Variants in ST8SIA1 observed in about 807,000 individuals in gnomAD.
ST8SIA1 encodes ST8 alpha-N-acetyl-neuraminide alpha-2,8-sialyltransferase 1.
In ST8SIA1, 16 loss-of-function variants were observed where a neutral mutation model predicts 35.9. The observed-to-expected ratio is 0.45, with a 90% CI of 0.30 to 0.68. ST8SIA1 has a LOEUF of 0.68. Ranked by LOEUF, ST8SIA1 falls within the 30% of genes least tolerant of loss-of-function variation. The pLI is 0.09. For synonymous variants in ST8SIA1, 170 were observed against 169.6 expected, an observed-to-expected ratio of 1.00 and a Z score of -0.02; for missense variants, 383 against 453.6, an observed-to-expected ratio of 0.84 and a Z score of 1.41.
At chr12:22,321,059 AGAGTCTGC>A (rs1866594210) in intron 1 of ST8SIA1, among the ~76,000 whole-genome samples, 1 of 152,082 alleles carries the variant, frequency 6.6e-6, no homozygotes, top group Non-Finnish European at 1.5e-5. Flanking sequence ...AAGAAAAGGA[AGAGTCTGC>A]AGAATCAACC....
At chr12:22,290,632 G>T (rs956635908) in intron 1 of ST8SIA1, among the ~76,000 whole-genome samples, 1 of 152,168 alleles carries the variant, frequency 6.6e-6, no homozygotes, top group Non-Finnish European at 1.5e-5. Flanking sequence ...GAAAAAGGAG[G>T]ACATTAAGTC....
chr12:22,311,632 G>A (rs567028709), intron 1 of ST8SIA1, among the ~76,000 whole-genome samples: 3 of 152,070 alleles, frequency 2.0e-5, no homozygotes, highest in Admixed American at 1.3e-4. Context: ...TGAAATGGTG[G>A]TATTTTATAA....
chr12:22,308,603 AAAT>A lies in ST8SIA1; in HGVS notation c.237-21313_237-21311del, dbSNP rs1198949456. Among the ~76,000 whole-genome samples the A allele has an allele frequency of 2.6e-5, 4 of 152,178 alleles. No homozygotes were observed. The East Asian group carries it at 7.7e-4, about 29-fold the overall frequency. On this transcript the variant is annotated intron_variant, in intron 1 of 4. Coordinates refer to ENST00000396037, the MANE Select transcript of ST8SIA1 (RefSeq NM_003034.4). ...TGATTTTGACAAACCAAATATCTCA[AAAT>A]AATTACCGCCTCTATTTCTTCACCA...
chr12:22,234,903 G>A (rs1054957546), intron 4 of ST8SIA1, among the ~76,000 whole-genome samples: 3 of 152,132 alleles, frequency 2.0e-5, no homozygotes, highest in Non-Finnish European at 2.9e-5. Context: ...TCCTTTTTCT[G>A]CCTTTCCCTT....
intron 4 of ST8SIA1, among the ~76,000 whole-genome samples, chr12:22,227,392 G>A (rs1160276618): frequency 2.6e-5 from 4 of 151,792 alleles, no homozygotes; most frequent in East Asian, 2.0e-4. Context: ...TGGCCAACTC[G>A]GTGAAACCCC....
At chr12:22,220,410 A>C (rs1486486897) in intron 4 of ST8SIA1, among the ~76,000 whole-genome samples, 2 of 152,202 alleles carry the variant, frequency 1.3e-5, no homozygotes, top group Non-Finnish European at 2.9e-5. Context: ...AGAGAGACAG[A>C]GAAGGAAAAC....
intron 4 of ST8SIA1, among the ~76,000 whole-genome samples, chr12:22,226,474 A>G (rs1423669517): frequency 2.6e-5 from 4 of 151,566 alleles, no homozygotes; most frequent in Admixed American, 2.6e-4. Flanking sequence ...GTCCTGTTTC[A>G]GCTCTGGAAA....
intron 1 of ST8SIA1, among the ~76,000 whole-genome samples, chr12:22,303,413 T>A (rs2728817): frequency 0.17 from 25,405 of 152,036 alleles, 2,950 homozygotes; most frequent in African/African-American, 0.31. Context: ...TATTTTATGA[T>A]GTCTGAACTC....
chr12:22,277,613 T>G (rs1865985431), intron 2 of ST8SIA1, among the ~76,000 whole-genome samples: 1 of 152,108 alleles, frequency 6.6e-6, no homozygotes, highest in African/African-American at 2.4e-5. Context: ...ATGATCTGCC[T>G]GCCTCAGTCT....
At position 22,334,481 on chromosome 12, in the gene ST8SIA1, T is replaced by A; in HGVS notation, c.-249A>T. ...GGGGTGAAGTCACGATCTATGGCCATGGTCGCTTCCCCTGCAGAAGGCGGG... is the reference window on the plus strand; with the variant it reads ...GGGGTGAAGTCACGATCTATGGCCAAGGTCGCTTCCCCTGCAGAAGGCGGG... On this transcript the variant is annotated 5_prime_UTR_variant, in exon 1 of 5. It removes an upstream start codon present in the reference 5' UTR. Transcript: ENST00000396037. 1 of 543,424 alleles carries A rather than the reference T, an allele frequency of 1.8e-6. No individual in the cohort carries two copies. Among genetic ancestry groups the A allele is most frequent in the East Asian group, 3.1e-5 (1 of 32,222 alleles). 33.7% of individuals were successfully genotyped at this position (543,424 alleles called of 1,614,324 possible). A position where few individuals can be genotyped will look rare whatever the true frequency, so the allele number is the denominator to read the frequency against.
At chr12:22,294,939 T>C (rs1303377568) in intron 1 of ST8SIA1, among the ~76,000 whole-genome samples, 1 of 152,172 alleles carries the variant, frequency 6.6e-6, no homozygotes, top group Non-Finnish European at 1.5e-5. Flanking sequence ...GAACCACTTA[T>C]TTGTTATTTT....
rs373832888 is a variant in ST8SIA1, at chr12:22,243,993, G to A, written c.584+5013C>T. Among the ~76,000 whole-genome samples, 70 of 151,454 alleles carry A rather than the reference G, an allele frequency of 4.6e-4. 1 individual carries two copies. The highest frequency in any genetic ancestry group is 3.4e-3 in the Middle Eastern group (1 of 294). On this transcript the variant is annotated intron_variant, in intron 4 of 4. Transcript: ENST00000396037. ...TGCAGTGAGCCAAGATCGCACCACT[G>A]TACTCCAGTCCGGGCAACAAGAATG...
chr12:22,269,897 A>G (rs917834005), intron 2 of ST8SIA1, among the ~76,000 whole-genome samples: 3 of 152,190 alleles, frequency 2.0e-5, no homozygotes, highest in African/African-American at 7.2e-5. Flanking sequence ...TCTTTAAGAT[A>G]AATCCTTAAA....
Position 22,271,926 on chromosome 12 carries a change from G to T in ST8SIA1, c.381+15223C>A, listed in dbSNP as rs371123638. ...TCAGGTACCCTCTTTTTAAAGACATGACATAATCTATGACATTTTATTACC... is the reference window on the plus strand; with the variant it reads ...TCAGGTACCCTCTTTTTAAAGACATTACATAATCTATGACATTTTATTACC... On this transcript the variant is annotated intron_variant, in intron 2 of 4. Transcript: ENST00000396037. Among the ~76,000 whole-genome samples the T allele has an allele frequency of 2.0e-5, 3 of 152,228 alleles. 1 individual carries two copies. The highest frequency in any genetic ancestry group is 7.2e-5 in the African/African-American group (3 of 41,546).
At chr12:22,304,938 A>AG (rs1410236008) in intron 1 of ST8SIA1, among the ~76,000 whole-genome samples, 3 of 152,178 alleles carry the variant, frequency 2.0e-5, no homozygotes, top group Non-Finnish European at 4.4e-5. Context: ...TTTTTCTTTC[A>AG]GTACCTTGAG....
At chr12:22,211,726 G>T (rs1301832728) in intron 4 of ST8SIA1, among the ~76,000 whole-genome samples, 1 of 151,430 alleles carries the variant, frequency 6.6e-6, no homozygotes, top group African/African-American at 2.4e-5. Flanking sequence ...TCTTTTTTTT[G>T]AGATGGCGTC....
At chr12:22,329,760 T>C (rs1203291072) in intron 1 of ST8SIA1, among the ~76,000 whole-genome samples, 2 of 152,178 alleles carry the variant, frequency 1.3e-5, no homozygotes, top group Non-Finnish European at 1.5e-5. Flanking sequence ...CAGTCGTTTG[T>C]TCAAAATTTT....
intron 1 of ST8SIA1, among the ~76,000 whole-genome samples, chr12:22,301,439 G>A (rs1036781695): frequency 2.0e-5 from 3 of 150,168 alleles, no homozygotes; most frequent in Admixed American, 2.0e-4. Flanking sequence ...CTTTTTTTTT[G>A]AGCTATTGAC....
rs555164407 is a variant in ST8SIA1, at chr12:22,267,385, T to G, written c.382-11996A>C. 3.3e-5 allele frequency among the ~76,000 whole-genome samples: 5 copies of G among 152,362 alleles called. No homozygotes were observed. In the East Asian group the frequency reaches 9.6e-4, roughly 29 times the overall value. Reference sequence around the variant, plus strand: ...ATTGTCTCATATATAACTATTTTATTCCATTAAAAGATAAATAAGCCAAGC... The same window carrying G: ...ATTGTCTCATATATAACTATTTTATGCCATTAAAAGATAAATAAGCCAAGC... On this transcript the variant is annotated intron_variant, in intron 2 of 4. Coordinates refer to ENST00000396037, the MANE Select transcript of ST8SIA1 (RefSeq NM_003034.4).
Sources: allele counts gnomAD v4.1 joint callset (sites outside exome capture counted in the v4.1 genomes callset), GRCh38; gene constraint gnomAD v4.1.1; transcripts MANE v1.5; gene names NCBI Gene and HGNC (gene_info 2026-07-23, HGNC 2026-07-21).